Variants in ST8SIA6 observed in about 807,000 individuals in gnomAD.
ST8SIA6 encodes the protein ST8 alpha-N-acetyl-neuraminide alpha-2,8-sialyltransferase 6.
Under a neutral mutation model 33.6 loss-of-function variants are expected in ST8SIA6, and 39 were observed. The ratio of observed to expected loss-of-function variants is 1.16; its 90% CI spans 0.90 to 1.52. The LOEUF (loss-of-function observed/expected upper bound fraction) is 1.52, where lower values mean the gene tolerates loss of function less well. Ranked by LOEUF, ST8SIA6 falls within the 40% of genes most tolerant of loss-of-function variation. ST8SIA6 has a pLI of 0.00. For missense variants in ST8SIA6, 441 were observed against 443.8 expected (o/e 0.99, Z 0.06); for synonymous variants, 172 against 167.2 (o/e 1.03, Z -0.22).
chr10:17,340,817 A>T (rs1467766931), intron 4 of ST8SIA6, among the ~76,000 whole-genome samples: 1 of 152,236 alleles, frequency 6.6e-6, no homozygotes, highest in Non-Finnish European at 1.5e-5. Context: ...AACAAAAAAT[A>T]AAAGAGCTTT....
chr10:17,368,432 A>AAAAAAAAAAAAAAAC, intron 3 of ST8SIA6, among the ~76,000 whole-genome samples: 1 of 146,422 alleles, frequency 6.8e-6, no homozygotes, highest in Non-Finnish European at 1.5e-5. Context: ...AAAAAAAAAA[A>AAAAAAAAAAAAAAAC]TTCTATGTTC....
At chr10:17,446,038 TAAAAAA>T (rs559392551) in intron 2 of ST8SIA6, among the ~76,000 whole-genome samples, 1 of 147,856 alleles carries the variant, frequency 6.8e-6, no homozygotes, top group African/African-American at 2.5e-5. Context: ...TTATCACAAT[TAAAAAA>T]AAAAACTCAA....
intron 6 of ST8SIA6, among the ~76,000 whole-genome samples, chr10:17,325,992 C>T (rs1268060402): frequency 6.6e-6 from 1 of 152,174 alleles, no homozygotes; most frequent in Admixed American, 6.5e-5. Flanking sequence ...GAAGAATTAT[C>T]TTCCTTATGG....
intron 3 of ST8SIA6, among the ~76,000 whole-genome samples, chr10:17,360,812 T>C (rs1849357255): frequency 6.6e-6 from 1 of 151,898 alleles, no homozygotes; most frequent in Admixed American, 6.6e-5. Context: ...GGCCCAACTG[T>C]GTGACTAATC....
chr10:17,395,365 A>G (rs1489201007), intron 2 of ST8SIA6, among the ~76,000 whole-genome samples: 1 of 152,138 alleles, frequency 6.6e-6, no homozygotes, highest in East Asian at 1.9e-4. Flanking sequence ...AGTCCAGCAT[A>G]TGAATGCAGA....
Position 17,321,009 on chromosome 10 carries a change from T to G in ST8SIA6, c.1066A>C (p.Ser356Arg), listed in dbSNP as rs1847922697. The G allele has an allele frequency of 6.2e-7, 1 of 1,614,112 alleles. No homozygotes were observed. ...FSKTVEDIPVSHHYYDNKLPK... is the reference protein window; with the variant it reads ...FSKTVEDIPVRHHYYDNKLPK... ...AGCTTGTTGTCATAATAGTGATGGC[T>G]GACAGGTATGTCTTCTACAGTTTTA... Residue 356 changes from serine (S) to arginine (R), a missense_variant, in exon 8 of 8, where the codon AGC becomes CGC. By Grantham distance (110) the Ser-to-Arg change is moderately radical. Coordinates refer to ENST00000377602, the MANE Select transcript of ST8SIA6 (RefSeq NM_001004470.3).
At chr10:17,440,224 T>G (rs1003033573) in intron 2 of ST8SIA6, among the ~76,000 whole-genome samples, 10 of 142,740 alleles carry the variant, frequency 7.0e-5, no homozygotes, top group African/African-American at 2.7e-4. Context: ...TTTTTTTTTT[T>G]GAGACAGAGT....
At chr10:17,390,713 G>A in intron 2 of ST8SIA6, 93 bp from the exon 3 acceptor site, 1 of 1,014,194 alleles carries the variant, frequency 9.9e-7, no homozygotes, top group Non-Finnish European at 1.4e-6. Flanking sequence ...GATAAAGTGT[G>A]TCCAAATGAA....
Position 17,315,647 on chromosome 10 carries a change from T to C in ST8SIA6, c.*5231A>G, listed in dbSNP as rs1847749040. 6.6e-6 allele frequency among the ~76,000 whole-genome samples: 1 copy of C among 151,984 alleles called. No individual in the cohort carries two copies. Among genetic ancestry groups the C allele is most frequent in the Admixed American group, 6.6e-5 (1 of 15,228 alleles). ...ATGAGTACAGACAGTAAGATTCCAT[T>C]TATATAAAATTCTAAAAAATGTAAA... is the stretch of plus-strand genomic sequence containing the variant. On this transcript the variant is annotated 3_prime_UTR_variant, in exon 8 of 8. Transcript: ENST00000377602.
At chr10:17,418,632 A>G (rs1461297717) in intron 2 of ST8SIA6, among the ~76,000 whole-genome samples, 1 of 152,238 alleles carries the variant, frequency 6.6e-6, no homozygotes, top group Non-Finnish European at 1.5e-5. Flanking sequence ...CCAAAGCAAG[A>G]AATGAGGTTA....
At chr10:17,391,451 A>T (rs1850608995) in intron 2 of ST8SIA6, among the ~76,000 whole-genome samples, 1 of 150,882 alleles carries the variant, frequency 6.6e-6, no homozygotes, top group South Asian at 2.1e-4. Flanking sequence ...TTTAGTAGAG[A>T]CGGGGTTTCA....
chr10:17,338,841 A>G (rs1410806385), intron 4 of ST8SIA6, among the ~76,000 whole-genome samples: 1 of 152,214 alleles, frequency 6.6e-6, no homozygotes, highest in Non-Finnish European at 1.5e-5. Flanking sequence ...AAGAGCATAC[A>G]CTGCCCATCC....
chr10:17,430,897 C>T (rs1278279609), intron 2 of ST8SIA6, among the ~76,000 whole-genome samples: 2 of 152,122 alleles, frequency 1.3e-5, no homozygotes, highest in African/African-American at 2.4e-5. Flanking sequence ...AAGACTTGCT[C>T]AGTGTGATCT....
chr10:17,429,943 G>A (rs1270065667), intron 2 of ST8SIA6, among the ~76,000 whole-genome samples: 1 of 151,702 alleles, frequency 6.6e-6, no homozygotes, highest in Non-Finnish European at 1.5e-5. Flanking sequence ...GTGTTTTTTT[G>A]TTACATGGAT....
intron 4 of ST8SIA6, among the ~76,000 whole-genome samples, chr10:17,349,587 A>G (rs537905024): frequency 1.6e-4 from 25 of 152,358 alleles, no homozygotes; most frequent in African/African-American, 5.8e-4. Context: ...GCCTAATAAG[A>G]ATAAAGACGT....
intron 4 of ST8SIA6, among the ~76,000 whole-genome samples, chr10:17,346,951 G>A (rs984110145): frequency 6.6e-6 from 1 of 152,196 alleles, no homozygotes; most frequent in African/African-American, 2.4e-5. Context: ...AATCTGTAGG[G>A]TAAGCCTGCA....
chr10:17,321,654 GTTTT>G lies in ST8SIA6; in HGVS notation c.729-312_729-309del, dbSNP rs540948748. Among the ~76,000 whole-genome samples, 28 of 152,082 alleles carry G rather than the reference GTTTT, an allele frequency of 1.8e-4. No individual in the cohort carries two copies. In the East Asian group the frequency reaches 4.6e-3, roughly 25 times the overall value. ...TTATTCGTTAATTTTTCCTAAAGTTGTTTTTTGTTATTGAAACACCTTCCAAATG... is the reference window on the plus strand; with the variant it reads ...TTATTCGTTAATTTTTCCTAAAGTTGTTGTTATTGAAACACCTTCCAAATG... On this transcript the variant is annotated intron_variant, in intron 7 of 7. Coordinates refer to ENST00000377602, the MANE Select transcript of ST8SIA6 (RefSeq NM_001004470.3).
At chr10:17,433,844 T>G (rs972376771) in intron 2 of ST8SIA6, among the ~76,000 whole-genome samples, 6 of 152,118 alleles carry the variant, frequency 3.9e-5, no homozygotes, top group Non-Finnish European at 7.4e-5. Flanking sequence ...CTAGCCCCCC[T>G]ATCTACTTTT....
chr10:17,357,813 A>G (rs1371447820), intron 4 of ST8SIA6, among the ~76,000 whole-genome samples: 1 of 152,182 alleles, frequency 6.6e-6, no homozygotes, highest in Admixed American at 6.5e-5. Flanking sequence ...TTACAAATCT[A>G]TCTTTCCAGC....
Sources: allele counts gnomAD v4.1 joint callset (sites outside exome capture counted in the v4.1 genomes callset), GRCh38; gene constraint gnomAD v4.1.1; transcripts MANE v1.5; gene names NCBI Gene and HGNC (gene_info 2026-07-23, HGNC 2026-07-21).